Variants in CIC observed in about 807,000 individuals in gnomAD.
CIC encodes protein capicua homolog.
Under a neutral mutation model 115.7 loss-of-function variants are expected in CIC, and 18 were observed. The ratio of observed to expected loss-of-function variants is 0.16; its 90% confidence interval spans 0.11 to 0.23. The LOEUF (loss-of-function observed/expected upper bound fraction) is 0.23. CIC is among the 10% of genes least tolerant of loss of function. The probability of loss-of-function intolerance (pLI) is 1.00; values close to 1 mark genes in which losing one functional copy is unlikely to be tolerated. For synonymous variants in CIC, 1,076 were observed against 923.0 expected (o/e 1.17, Z -3.01); for missense variants, 2,000 against 2,159.3 (o/e 0.93, Z 1.46).
chr19:42,292,133 G>A lies in CIC; in HGVS notation c.5661G>A (p.Val1887=), dbSNP rs1321489918. Residue 1887 remains valine, a synonymous_variant, in exon 13 of 21, where the codon GTG becomes GTA. Transcript: ENST00000681038. ...PVPVSTPSGL[V]PPLSPATLPG... ...CTGTGAGCACACCCAGCGGCCTGGT[G>A]CCGCCCCTGAGCCCAGCCACACTCC... 1 of 1,613,642 alleles carries A rather than the reference G, an allele frequency of 6.2e-7. No homozygotes were observed. The highest frequency in any genetic ancestry group is 8.5e-7 in the Non-Finnish European group (1 of 1,179,912).
intron 1 of CIC, among the ~76,000 whole-genome samples, chr19:42,271,332 C>T (rs1023845028): frequency 6.6e-6 from 1 of 152,208 alleles, no homozygotes; most frequent in African/African-American, 2.4e-5. Context: ...CAAGTTGTCT[C>T]ATCTTTTTGT....
Position 42,292,357 on chromosome 19 carries a change from G to T in CIC, c.5793G>T (p.Ala1931=). 6.2e-7 allele frequency: 1 copy of T among 1,612,958 alleles called. No individual in the cohort carries two copies. The highest frequency in any genetic ancestry group is 1.1e-5 in the South Asian group (1 of 91,084). Residue 1931 remains alanine (A), a synonymous_variant, in exon 14 of 21, where the codon GCG becomes GCT. Transcript: ENST00000681038. ...GHALPLGTSP[A]SSQAGTVTSY... Reference sequence around the variant, plus strand: ...CGCTGCCCCTGGGTACCAGCCCTGCGTCCAGCCAGGCTGGAACAGTCACCT... The same window carrying T: ...CGCTGCCCCTGGGTACCAGCCCTGCTTCCAGCCAGGCTGGAACAGTCACCT...
In CIC at chr19:42,273,421, C is replaced by A; in HGVS notation, c.1638C>A (p.Pro546=). ...GTGGGCCTGGCGGGGCGGGCCGGCC[C>A]GCGGCCGTGGCAGCCCGTGAGGGCA... ...ADSGPGGAGR[P]AAVAAREGST... The change falls in exon 2 of 21, where the codon CCC becomes CCA. Residue 546 remains proline, a synonymous_variant. Transcript: ENST00000681038. 5.0e-6 allele frequency: 2 copies of A among 398,376 alleles called. No homozygotes were observed. Among genetic ancestry groups the A allele is most frequent in the Non-Finnish European group, 4.4e-6 (1 of 225,916 alleles). 24.7% of individuals were successfully genotyped at this position (398,376 alleles called of 1,614,324 possible). A position where few individuals can be genotyped will look rare whatever the true frequency, so the allele number is the denominator to read the frequency against.
intron 2 of CIC, among the ~76,000 whole-genome samples, chr19:42,281,780 C>T (rs916231868): frequency 6.6e-6 from 1 of 152,218 alleles, no homozygotes; most frequent in South Asian, 2.1e-4. Context: ...CTGCCCCGGA[C>T]GGGGCCTCTT....
At chr19:42,277,503 T>G (rs1259147342) in intron 2 of CIC, among the ~76,000 whole-genome samples, 1 of 152,176 alleles carries the variant, frequency 6.6e-6, no homozygotes, top group Non-Finnish European at 1.5e-5. Flanking sequence ...GTGCTGGGAT[T>G]ACAGGCTTGG....
In CIC at chr19:42,292,334, C is replaced by T. The variant is rs1489699017; in HGVS notation, c.5770C>T (p.Leu1924=). ...TYVQSAGGHA[L]PLGTSPASSQ... ...TGTGCAGTCAGCGGGCGGGCACGCG[C>T]TGCCCCTGGGTACCAGCCCTGCGTC... Residue 1924 remains leucine, a synonymous_variant, in exon 14 of 21, where the codon CTG becomes TTG. Coordinates refer to ENST00000681038, the MANE Select transcript of CIC (RefSeq NM_001386298.1). The T allele has an allele frequency of 1.2e-6, 2 of 1,613,034 alleles. No individual in the cohort carries two copies. Among genetic ancestry groups the T allele is most frequent in the Non-Finnish European group, 1.7e-6 (2 of 1,179,984 alleles).
rs1298085224 is a variant in CIC, at chr19:42,287,917, G to A, written c.3600G>A (p.Gly1200=). 2 of 1,609,048 alleles carry A rather than the reference G, an allele frequency of 1.2e-6. No homozygotes were observed. Among genetic ancestry groups the A allele is most frequent in the Admixed American group, 1.7e-5 (1 of 59,062 alleles). ...AKPTSLGLAG[G]HKETRERSMS... is the part of the protein sequence containing the mutation. The stretch of plus-strand genomic sequence containing the variant: ...CCACGAGCCTGGGGCTGGCAGGAGG[G>A]CACAAGGAGACGCGGGAGCGGAGCA... The change falls in exon 7 of 21, where the codon GGG becomes GGA. Residue 1200 remains glycine, a synonymous_variant. Coordinates refer to ENST00000681038, the MANE Select transcript of CIC (RefSeq NM_001386298.1). The surrounding 1 kb of genome is among the most constrained non-coding windows in gnomAD (Gnocchi z 8.7).
rs910167566 is a variant in CIC, at chr19:42,293,243, G to A, written c.6484G>A (p.Ala2162Thr). The A allele has an allele frequency of 3.1e-6, 5 of 1,591,980 alleles. No homozygotes were observed. The highest frequency in any genetic ancestry group is 1.3e-5 in the African/African-American group (1 of 74,492). The change falls in exon 16 of 21, where the codon GCT becomes ACT. Residue 2162 changes from alanine to threonine, a missense_variant. Physicochemically the swap from Ala to Thr is moderately conservative, Grantham distance 58. This residue lies in a region of CIC where 1,466 missense variants were observed against 1,390.4 expected (regional missense o/e 1.05). Transcript: ENST00000681038. ...GAGCAGCCCCCCACTGCCCCCACCT[G>A]CTGAGGAGCGGACCAGCGCCAAGGG... ...ARSSPPLPPPAEERTSAKGPE... is the reference protein window; with the variant it reads ...ARSSPPLPPPTEERTSAKGPE...
Position 42,295,132 on chromosome 19 carries a change from G to A in CIC, c.7495G>A (p.Gly2499Arg). ...ESGPGQPGWE[G>R]APQPSPPPPG... ...GGGGCCTGGACAGCCTGGCTGGGAG[G>A]GGGCTCCCCAGCCCTCCCCCCCACC... Residue 2499 changes from glycine (G) to arginine (R), a missense_variant, in exon 21 of 21, where the codon GGG (glycine) becomes AGG (arginine). Coordinates refer to ENST00000681038, the MANE Select transcript of CIC (RefSeq NM_001386298.1). 1 of 1,497,002 alleles carries A rather than the reference G, an allele frequency of 6.7e-7. No individual in the cohort carries two copies. The highest frequency in any genetic ancestry group is 8.9e-7 in the Non-Finnish European group (1 of 1,125,924). 92.7% of individuals were successfully genotyped at this position (1,497,002 alleles called of 1,614,324 possible).
chr19:42,292,772 C>T lies in CIC; in HGVS notation c.6109C>T (p.Pro2037Ser). ...LVYTVATSTT[P>S]PAATILPKGP... is the part of the protein sequence containing the mutation. Reference sequence around the variant, plus strand: ...CTACACTGTGGCCACCAGCACAACCCCACCTGCAGCCACCATTCTGCCCAA... The same window carrying T: ...CTACACTGTGGCCACCAGCACAACCTCACCTGCAGCCACCATTCTGCCCAA... The change falls in exon 15 of 21, where the codon CCA becomes TCA. Residue 2037 changes from proline to serine, a missense_variant. This residue lies in a region of CIC where 1,466 missense variants were observed against 1,390.4 expected (regional missense o/e 1.05). Coordinates refer to ENST00000681038, the MANE Select transcript of CIC (RefSeq NM_001386298.1). The T allele has an allele frequency of 1.9e-6, 3 of 1,613,780 alleles. No homozygotes were observed. The highest frequency in any genetic ancestry group is 2.5e-6 in the Non-Finnish European group (3 of 1,179,962).
At chr19:42,278,598 T>C (rs1425484450) in intron 2 of CIC, among the ~76,000 whole-genome samples, 1 of 152,174 alleles carries the variant, frequency 6.6e-6, no homozygotes, top group Admixed American at 6.5e-5. Context: ...CCTGTGTCTC[T>C]GAGCCAGCCT....
chr19:42,288,570 C>T (rs1049704791), intron 7 of CIC, among the ~76,000 whole-genome samples: 9 of 152,142 alleles, frequency 5.9e-5, no homozygotes, highest in African/African-American at 1.9e-4. Flanking sequence ...ACACTAGTTA[C>T]TTCCTCTTTG....
chr19:42,286,058 G>T (rs1252867652), intron 2 of CIC, among the ~76,000 whole-genome samples: 1 of 152,214 alleles, frequency 6.6e-6, no homozygotes, highest in South Asian at 2.1e-4. Context: ...CAGATAAGCC[G>T]AGGGGCTGAT....
At chr19:42,294,138 G>A in intron 18 of CIC, 35 bp from the exon 19 acceptor site, 2 of 1,613,826 alleles carry the variant, frequency 1.2e-6, no homozygotes, top group South Asian at 1.1e-5. Context: ...GGCAGACTGG[G>A]GCCACCTGCA....
intron 12 of CIC, 150 bp from the exon 13 acceptor site, chr19:42,291,936 C>T (rs1330193350): frequency 7.6e-7 from 1 of 1,312,226 alleles, no homozygotes; most frequent in Non-Finnish European, 1.1e-6. Flanking sequence ...CTCTGTGTCC[C>T]CACCTCTCAC....
In CIC at chr19:42,274,565, C is replaced by T. The variant is rs966457277; in HGVS notation, c.2782C>T (p.Arg928Trp). 1 of 398,744 alleles carries T rather than the reference C, an allele frequency of 2.5e-6. No individual in the cohort carries two copies. Among genetic ancestry groups the T allele is most frequent in the Non-Finnish European group, 4.4e-6 (1 of 226,144 alleles). The allele number at this position is 398,744 out of a possible 1,614,324, so 24.7% of individuals were successfully genotyped here. A position where few individuals can be genotyped will look rare whatever the true frequency, so the allele number is the denominator to read the frequency against. The change falls in exon 2 of 21, where the codon CGG becomes TGG. Residue 928 changes from arginine to tryptophan, a missense_variant. Physicochemically the swap from Arg to Trp is moderately radical, Grantham distance 101 (BLOSUM62 -3). Transcript: ENST00000681038. ...PAPKKEVIMG[R>W]PGTVWTNVEP... Reference sequence around the variant, plus strand: ...CCCCAAGAAGGAAGTCATCATGGGCCGGCCTGGAACAGGTAAGAGGTGGAA... The same window carrying T: ...CCCCAAGAAGGAAGTCATCATGGGCTGGCCTGGAACAGGTAAGAGGTGGAA...
chr19:42,274,044 A>G lies in CIC; in HGVS notation c.2261A>G (p.His754Arg), dbSNP rs1228017667. Reference protein sequence around the residue: ...SLDSGVDSVSHTPTPSTPAGF... With the variant: ...SLDSGVDSVSRTPTPSTPAGF... ...GACTCTGGTGTGGACTCAGTGTCCC[A>G]CACACCTACACCCTCCACGCCGGCT... is the stretch of plus-strand genomic sequence containing the variant. Residue 754 changes from histidine to arginine, a missense_variant, in exon 2 of 21, where the codon CAC becomes CGC. His to Arg is a conservative substitution (Grantham distance 29). Transcript: ENST00000681038. The G allele has an allele frequency of 7.5e-6, 3 of 398,584 alleles. No individual in the cohort carries two copies. The highest frequency in any genetic ancestry group is 6.2e-5 in the African/African-American group (3 of 48,562). 24.7% of individuals were successfully genotyped at this position (398,584 alleles called of 1,614,324 possible).
At position 42,293,995 on chromosome 19, in the gene CIC, T is replaced by C. The variant is rs2038341764; in HGVS notation, c.6828T>C (p.Pro2276=). ...TTGCTGAGTTGCCTGAGTTTCGGCC[T>C]GAGGAGGTGCTGCCCTCCCCCACCC... ...ERFAELPEFR[P]EEVLPSPTLQ... Residue 2276 remains proline (P), a synonymous_variant, in exon 18 of 21, where the codon CCT becomes CCC. Transcript: ENST00000681038. 2 of 1,613,488 alleles carry C rather than the reference T, an allele frequency of 1.2e-6. No individual in the cohort carries two copies. The highest frequency in any genetic ancestry group is 1.7e-6 in the Non-Finnish European group (2 of 1,180,010).
Position 42,295,143 on chromosome 19 carries a change from G to GGGCGGCCC in CIC, c.7506_7507insGGCGGCCC (p.Pro2503GlyfsTer29). 1 of 1,382,738 alleles carries GGGCGGCCC rather than the reference G, an allele frequency of 7.2e-7. No homozygotes were observed. Among genetic ancestry groups the GGGCGGCCC allele is most frequent in the Non-Finnish European group, 9.6e-7 (1 of 1,037,826 alleles). The allele number at this position is 1,382,738 out of a possible 1,614,324, so 85.7% of individuals were successfully genotyped here. On this transcript the variant is annotated frameshift_variant, in exon 21 of 21. Coordinates refer to ENST00000681038, the MANE Select transcript of CIC (RefSeq NM_001386298.1). LOFTEE classifies it high-confidence loss of function. Reference sequence around the variant, plus strand: ...AGCCTGGCTGGGAGGGGGCTCCCCAGCCCTCCCCCCCACCCCCAGGTCCCT... The same window carrying GGGCGGCCC: ...AGCCTGGCTGGGAGGGGGCTCCCCAGGGCGGCCCCCCTCCCCCCCACCCCCAGGTCCCT...
Sources: allele counts gnomAD v4.1 joint callset (sites outside exome capture counted in the v4.1 genomes callset), GRCh38; gene constraint gnomAD v4.1.1; regional missense constraint gnomAD v4.1.1; non-coding constraint Gnocchi (gnomAD v3.1); transcripts MANE v1.5; gene names NCBI Gene and HGNC (gene_info 2026-07-23, HGNC 2026-07-21).